MAGI2: variants seen among roughly 807,000 people sequenced by gnomAD.
MAGI2 encodes the protein membrane associated guanylate kinase, WW and PDZ domain containing 2, also known as membrane-associated guanylate kinase, WW and PDZ domain-containing protein 2.
MAGI2 carries 35 observed loss-of-function variants against 133.3 expected under a neutral mutation model. The observed-to-expected ratio is 0.26, with a 90% CI of 0.20 to 0.35. The LOEUF (loss-of-function observed/expected upper bound fraction) is 0.35, where lower values mean the gene tolerates loss of function less well. Ranked by LOEUF, MAGI2 falls within the 10% of genes least tolerant of loss-of-function variation. MAGI2 has a pLI of 1.00. For missense variants in MAGI2, 1,636 were observed against 1,863.4 expected, an observed-to-expected ratio of 0.88 and a Z score of 2.25; for synonymous variants, 729 against 710.6, an observed-to-expected ratio of 1.03 and a Z score of -0.41.
At chr7:79,405,956 G>A (rs1422599957) in intron 1 of MAGI2, among the ~76,000 whole-genome samples, 1 of 147,988 alleles carries the variant, frequency 6.8e-6, no homozygotes, top group Non-Finnish European at 1.5e-5. Flanking sequence ...GCCCTTTGCA[G>A]TTTATGACAA....
At chr7:78,792,500 C>T (rs973601654) in intron 2 of MAGI2, among the ~76,000 whole-genome samples, 2 of 152,112 alleles carry the variant, frequency 1.3e-5, no homozygotes, top group African/African-American at 2.4e-5. Flanking sequence ...TGTGAGAAGC[C>T]GATCATGGTT....
At chr7:79,152,736 G>A (rs549053901) in intron 1 of MAGI2, among the ~76,000 whole-genome samples, 2 of 152,176 alleles carry the variant, frequency 1.3e-5, no homozygotes, top group African/African-American at 4.8e-5. Flanking sequence ...GAGCAGACAG[G>A]TTGGGGATTT....
At chr7:78,937,076 A>G (rs1225218108) in intron 2 of MAGI2, among the ~76,000 whole-genome samples, 1 of 151,988 alleles carries the variant, frequency 6.6e-6, no homozygotes, top group Non-Finnish European at 1.5e-5. Flanking sequence ...AGTTCCGGGG[A>G]AGAAAAAATA....
chr7:78,818,125 C>G (rs1402415903), intron 2 of MAGI2, among the ~76,000 whole-genome samples: 3 of 152,080 alleles, frequency 2.0e-5, no homozygotes, highest in African/African-American at 7.2e-5. Context: ...TTTTCTGAAC[C>G]ATCATTAATA....
At chr7:78,972,957 ACACAC>A (rs1334411329) in intron 2 of MAGI2, among the ~76,000 whole-genome samples, 1 of 151,716 alleles carries the variant, frequency 6.6e-6, no homozygotes, top group Non-Finnish European at 1.5e-5. Context: ...ACACACACAC[ACACAC>A]ACACACACAG....
intron 2 of MAGI2, among the ~76,000 whole-genome samples, chr7:78,846,227 C>T (rs1584126090): frequency 6.6e-6 from 1 of 151,632 alleles, no homozygotes; most frequent in Non-Finnish European, 1.5e-5. Flanking sequence ...CTCCATTAAC[C>T]GTACAATCTG....
At chr7:79,262,828 T>A (rs535014028) in intron 1 of MAGI2, among the ~76,000 whole-genome samples, 1 of 152,334 alleles carries the variant, frequency 6.6e-6, no homozygotes, top group Non-Finnish European at 1.5e-5. Context: ...AACTTTCAAA[T>A]ACTTTTATAA....
At chr7:78,139,786 T>C (rs976567895) in intron 16 of MAGI2, among the ~76,000 whole-genome samples, 1 of 152,222 alleles carries the variant, frequency 6.6e-6, no homozygotes, top group African/African-American at 2.4e-5. Flanking sequence ...AATTTCCTTT[T>C]AATTGAAAAT....
At chr7:79,280,207 T>C (rs752971061) in intron 1 of MAGI2, among the ~76,000 whole-genome samples, 2 of 152,116 alleles carry the variant, frequency 1.3e-5, no homozygotes, top group Non-Finnish European at 2.9e-5. Flanking sequence ...CTAACAGAGA[T>C]GACGTAGAGA....
At chr7:79,259,484 T>A (rs1833928253) in intron 1 of MAGI2, among the ~76,000 whole-genome samples, 1 of 152,202 alleles carries the variant, frequency 6.6e-6, no homozygotes, top group Non-Finnish European at 1.5e-5. Context: ...TAATGAAGGC[T>A]TTTTGAGCCA....
chr7:78,224,547 T>C (rs1186064662), intron 10 of MAGI2, among the ~76,000 whole-genome samples: 2 of 151,936 alleles, frequency 1.3e-5, no homozygotes, highest in African/African-American at 2.4e-5. Context: ...GTGCCTGTGG[T>C]CCCAACTACT....
intron 9 of MAGI2, among the ~76,000 whole-genome samples, chr7:78,318,991 G>T (rs999346565): frequency 6.6e-6 from 1 of 152,040 alleles, no homozygotes; most frequent in Non-Finnish European, 1.5e-5. Flanking sequence ...AAGAACAACC[G>T]GTACCAGCCA....
At chr7:79,057,944 G>A (rs1813309756) in intron 1 of MAGI2, among the ~76,000 whole-genome samples, 1 of 144,752 alleles carries the variant, frequency 6.9e-6, no homozygotes, top group South Asian at 2.2e-4. Flanking sequence ...TTCCTGCCCA[G>A]AAAGGGGCTC....
intron 2 of MAGI2, among the ~76,000 whole-genome samples, chr7:78,915,252 C>A (rs1009449780): frequency 1.3e-5 from 2 of 152,116 alleles, no homozygotes; most frequent in Non-Finnish European, 2.9e-5. Flanking sequence ...GGATTATGAA[C>A]ACTGCCAGCC....
chr7:79,304,181 A>ATG (rs373644525), intron 1 of MAGI2, among the ~76,000 whole-genome samples: 3,910 of 141,918 alleles, frequency 0.028, 131 homozygotes, highest in Admixed American at 0.067. Flanking sequence ...TTCAACTGGG[A>ATG]TGTGTGTGTG....
In MAGI2 at chr7:78,248,839, C is replaced by T. The variant is rs184490139; in HGVS notation, c.2047+7104G>A. On this transcript the variant is annotated intron_variant, in intron 10 of 21. Transcript: ENST00000354212. The stretch of plus-strand genomic sequence containing the variant: ...TGGTTTTTTGGATATGCCTCAAAAG[C>T]ACAGGCAATAAAAAAGCAGACAAAT... Among the ~76,000 whole-genome samples the T allele has an allele frequency of 2.5e-3, 379 of 151,946 alleles. 2 individuals carry two copies. Among genetic ancestry groups the T allele is most frequent in the African/African-American group, 8.9e-3 (367 of 41,464 alleles).
At chr7:79,186,988 G>C (rs1221558158) in intron 1 of MAGI2, among the ~76,000 whole-genome samples, 2 of 150,856 alleles carry the variant, frequency 1.3e-5, no homozygotes, top group Non-Finnish European at 3.0e-5. Flanking sequence ...ATTTTTTTCT[G>C]ATACAAATGC....
chr7:78,447,393 G>C (rs926173284), intron 6 of MAGI2, among the ~76,000 whole-genome samples: 44 of 148,902 alleles, frequency 3.0e-4, no homozygotes, highest in Admixed American at 1.3e-3. Flanking sequence ...AAAAAAAAAG[G>C]CTCCCTGGTC....
chr7:78,340,240 G>A (rs996762429), intron 9 of MAGI2, among the ~76,000 whole-genome samples: 3 of 151,956 alleles, frequency 2.0e-5, no homozygotes, highest in African/African-American at 7.3e-5. Context: ...TATAGTTATT[G>A]TACTTTATAA....
Sources: allele counts gnomAD v4.1 joint callset (sites outside exome capture counted in the v4.1 genomes callset), GRCh38; gene constraint gnomAD v4.1.1; transcripts MANE v1.5; gene names NCBI Gene and HGNC (gene_info 2026-07-23, HGNC 2026-07-21).